NKAIN3: variants seen among roughly 807,000 people sequenced by gnomAD.
NKAIN3 encodes the protein sodium/potassium-transporting ATPase subunit beta-1-interacting protein 3.
In NKAIN3, 25 loss-of-function variants were observed where a neutral mutation model predicts 30.2. The observed-to-expected ratio is 0.83, with a 90% CI of 0.60 to 1.16. NKAIN3 has a LOEUF of 1.16. Among genes scored for constraint, NKAIN3 ranks in the 50% most tolerant of loss-of-function variants. The pLI, the probability that NKAIN3 is intolerant of heterozygous loss-of-function variation, is 0.00. For synonymous variants in NKAIN3, 91 were observed against 89.6 expected, an observed-to-expected ratio of 1.02 and a Z score of -0.09; for missense variants, 225 against 254.1, an observed-to-expected ratio of 0.89 and a Z score of 0.78.
At chr8:62,805,832 C>T (rs975881003) in intron 4 of NKAIN3, among the ~76,000 whole-genome samples, 9 of 152,142 alleles carry the variant, frequency 5.9e-5, no homozygotes, top group African/African-American at 2.2e-4. Context: ...AGCTTCTGCA[C>T]AGCAAAAGAA....
At chr8:62,356,016 G>T (rs932223670) in intron 1 of NKAIN3, among the ~76,000 whole-genome samples, 1 of 152,152 alleles carries the variant, frequency 6.6e-6, no homozygotes, top group African/African-American at 2.4e-5. Context: ...TTCCAACGGT[G>T]GCAGGTATAA....
At chr8:62,716,655 G>A (rs991448472) in intron 3 of NKAIN3, among the ~76,000 whole-genome samples, 4 of 151,774 alleles carry the variant, frequency 2.6e-5, no homozygotes, top group African/African-American at 9.7e-5. Flanking sequence ...GTGGCAGAGA[G>A]ATTAATATCA....
chr8:62,799,876 AG>A, intron 4 of NKAIN3, among the ~76,000 whole-genome samples: 1 of 152,206 alleles, frequency 6.6e-6, no homozygotes, highest in East Asian at 1.9e-4. Flanking sequence ...AGCCATAAAA[AG>A]GAACAAAATA....
At chr8:62,530,694 A>G (rs981291760) in intron 1 of NKAIN3, among the ~76,000 whole-genome samples, 2 of 152,018 alleles carry the variant, frequency 1.3e-5, no homozygotes, top group Non-Finnish European at 2.9e-5. Context: ...GCCAGAGTGC[A>G]ATGGCATGAT....
In NKAIN3 at chr8:62,388,175, C is replaced by T. The variant is rs142113598; in HGVS notation, c.54+139048C>T. Reference sequence around the variant, plus strand: ...AAAATATCTGCTTCATGTGAATCAACATTTACATTCCAAATATTAGTGTGA... The same window carrying T: ...AAAATATCTGCTTCATGTGAATCAATATTTACATTCCAAATATTAGTGTGA... On this transcript the variant is annotated intron_variant, in intron 1 of 6. Transcript: ENST00000623646. Among the ~76,000 whole-genome samples, 215 of 152,348 alleles carry T rather than the reference C, an allele frequency of 1.4e-3. 2 individuals carry two copies. The highest frequency in any genetic ancestry group is 5.0e-3 in the African/African-American group (206 of 41,582).
intron 1 of NKAIN3, among the ~76,000 whole-genome samples, chr8:62,321,165 C>T (rs1206289047): frequency 6.6e-6 from 1 of 152,178 alleles, no homozygotes; most frequent in Non-Finnish European, 1.5e-5. Flanking sequence ...ACTTCTCATG[C>T]CATGGTTTCA....
chr8:62,502,599 G>A (rs1280176964), intron 1 of NKAIN3, among the ~76,000 whole-genome samples: 5 of 150,682 alleles, frequency 3.3e-5, no homozygotes, highest in African/African-American at 9.8e-5. Flanking sequence ...TTCTTAACTT[G>A]CACTTTAAAT....
chr8:62,832,904 C>T (rs1465216311), intron 4 of NKAIN3, among the ~76,000 whole-genome samples: 1 of 152,074 alleles, frequency 6.6e-6, no homozygotes, highest in Non-Finnish European at 1.5e-5. Flanking sequence ...TTCTCATCTA[C>T]ACACAAAACA....
intron 4 of NKAIN3, among the ~76,000 whole-genome samples, chr8:62,862,050 G>C (rs1464566516): frequency 1.3e-5 from 2 of 152,188 alleles, no homozygotes; most frequent in Non-Finnish European, 2.9e-5. Flanking sequence ...TACATAATCT[G>C]AATGTTGGGT....
At chr8:62,835,097 T>C (rs1053570223) in intron 4 of NKAIN3, among the ~76,000 whole-genome samples, 9 of 152,110 alleles carry the variant, frequency 5.9e-5, no homozygotes, top group Non-Finnish European at 1.0e-4. Context: ...ATTCAATAAA[T>C]GCTGCTGGAA....
intron 5 of NKAIN3, among the ~76,000 whole-genome samples, chr8:62,926,090 G>A (rs981458046): frequency 6.6e-6 from 1 of 152,046 alleles, no homozygotes; most frequent in African/African-American, 2.4e-5. Flanking sequence ...GTGGGATTTG[G>A]GATGCAGATG....
In NKAIN3 at chr8:62,670,118, G is replaced by A. The variant is rs73685426; in HGVS notation, c.274-76814G>A. The stretch of plus-strand genomic sequence containing the variant: ...TAAACAACAACAAAAAACCATTGAC[G>A]AGAAGAGACATAGAGAATGAATACT... On this transcript the variant is annotated intron_variant, in intron 3 of 6. Coordinates refer to ENST00000623646, the MANE Select transcript of NKAIN3 (RefSeq NM_001304533.3). 6.9e-3 allele frequency among the ~76,000 whole-genome samples: 1,049 copies of A among 152,190 alleles called. 6 individuals carry two copies. Among genetic ancestry groups the A allele is most frequent in the African/African-American group, 0.023 (975 of 41,526 alleles).
chr8:62,417,151 C>T (rs1040259145), intron 1 of NKAIN3, among the ~76,000 whole-genome samples: 9 of 151,990 alleles, frequency 5.9e-5, no homozygotes, highest in African/African-American at 1.9e-4. Flanking sequence ...TGATAACCAT[C>T]GTTCTGCTCT....
chr8:62,378,843 C>T (rs1817179554), intron 1 of NKAIN3, among the ~76,000 whole-genome samples: 1 of 152,144 alleles, frequency 6.6e-6, no homozygotes, highest in Non-Finnish European at 1.5e-5. Flanking sequence ...TCAGAGCCCC[C>T]ACACAAAGTC....
At chr8:62,529,188 C>A (rs1808410191) in intron 1 of NKAIN3, among the ~76,000 whole-genome samples, 1 of 152,068 alleles carries the variant, frequency 6.6e-6, no homozygotes, top group African/African-American at 2.4e-5. Flanking sequence ...CTCAAGAAAG[C>A]AAATCAGGAT....
chr8:62,632,806 A>G (rs897726953), intron 3 of NKAIN3, among the ~76,000 whole-genome samples: 3 of 152,116 alleles, frequency 2.0e-5, no homozygotes, highest in Admixed American at 6.6e-5. Context: ...TTTAATTAAG[A>G]ATTAAGTTTA....
Position 62,893,687 on chromosome 8 carries a change from C to A in NKAIN3, c.472-24766C>A, listed in dbSNP as rs561727213. ...GCGTGCACACATATGCACATATGCA[C>A]ATAACTAACTGTGTACACACAAGGA... On this transcript the variant is annotated intron_variant, in intron 4 of 6. Coordinates refer to ENST00000623646, the MANE Select transcript of NKAIN3 (RefSeq NM_001304533.3). Among the ~76,000 whole-genome samples the A allele has an allele frequency of 1.0e-3, 156 of 152,050 alleles. 1 individual carries two copies. Among genetic ancestry groups the A allele is most frequent in the African/African-American group, 3.5e-3 (146 of 41,468 alleles).
At chr8:62,846,884 C>A (rs1819704488) in intron 4 of NKAIN3, among the ~76,000 whole-genome samples, 1 of 152,126 alleles carries the variant, frequency 6.6e-6, no homozygotes, top group Non-Finnish European at 1.5e-5. Flanking sequence ...AAAGTCATGT[C>A]TTACACGGTG....
chr8:62,927,018 A>G (rs1822470150), intron 5 of NKAIN3, among the ~76,000 whole-genome samples: 2 of 152,152 alleles, frequency 1.3e-5, no homozygotes, highest in South Asian at 4.1e-4. Context: ...CACATCAACC[A>G]GAAAAAGAAA....
Sources: allele counts gnomAD v4.1 joint callset (sites outside exome capture counted in the v4.1 genomes callset), GRCh38; gene constraint gnomAD v4.1.1; transcripts MANE v1.5; gene names NCBI Gene and HGNC (gene_info 2026-07-23, HGNC 2026-07-21).